Variants in CDKL3 observed in about 807,000 individuals in gnomAD.
CDKL3 encodes the protein cyclin-dependent kinase-like 3.
In CDKL3, 65 loss-of-function variants were observed where a neutral mutation model predicts 69.3. The observed-to-expected ratio is 0.94, with a 90% confidence interval of 0.77 to 1.15. The LOEUF (loss-of-function observed/expected upper bound fraction) is 1.15, where lower values mean the gene tolerates loss of function less well. Ranked by LOEUF, CDKL3 falls within the 50% of genes most tolerant of loss-of-function variation. The pLI, the probability that CDKL3 is intolerant of heterozygous loss-of-function variation, is 0.00. For missense variants in CDKL3, 652 were observed against 689.2 expected (o/e 0.95, Z 0.61); for synonymous variants, 202 against 221.6 (o/e 0.91, Z 0.79).
At position 134,366,556 on chromosome 5, in the gene CDKL3, TAAAG is replaced by T. The variant is rs1253836749; in HGVS notation, c.-21-16_-21-13del. 4.0e-6 allele frequency: 6 copies of T among 1,512,694 alleles called. No individual in the cohort carries two copies. The highest frequency in any genetic ancestry group is 1.2e-5 in the South Asian group (1 of 80,872). 93.7% of individuals were successfully genotyped at this position (1,512,694 alleles called of 1,614,324 possible). A position where few individuals can be genotyped will look rare whatever the true frequency, so the allele number is the denominator to read the frequency against. On this transcript the variant is annotated splice_polypyrimidine_tract_variant and intron_variant, in intron 1 of 12. Transcript: ENST00000265334. ...CTGGGCTTTTACTACTTTATAGAAA[TAAAG>T]AAAGAAAATGGAAAATGTTAAACGT...
chr5:134,308,918 C>T (rs780730690), intron 7 of CDKL3, among the ~76,000 whole-genome samples, 191 bp from the exon 8 acceptor site: 17 of 152,242 alleles, frequency 1.1e-4, no homozygotes, highest in South Asian at 2.1e-4. Flanking sequence ...ATACATCTTT[C>T]GAAAATTATG....
chr5:134,333,444 C>G (rs1301973684), intron 4 of CDKL3, among the ~76,000 whole-genome samples: 1 of 152,194 alleles, frequency 6.6e-6, no homozygotes, highest in African/African-American at 2.4e-5. Flanking sequence ...ATAATATTGG[C>G]TGTGGGTTTG....
At chr5:134,291,824 TG>T (rs1765138904) in intron 8 of CDKL3, among the ~76,000 whole-genome samples, 1 of 152,066 alleles carries the variant, frequency 6.6e-6, no homozygotes, top group South Asian at 2.1e-4. Context: ...ATAGCCATGT[TG>T]GAGTAACACG....
At chr5:134,321,929 T>C in intron 4 of CDKL3, 26 bp from the exon 5 acceptor site, 1 of 1,030,016 alleles carries the variant, frequency 9.7e-7, no homozygotes, top group Admixed American at 2.2e-5. Context: ...GAAAAAAAAA[T>C]CACTTTTTCA....
chr5:134,304,684 AT>A, intron 10 of CDKL3, 117 bp from the exon 11 acceptor site: 1 of 714,532 alleles, frequency 1.4e-6, no homozygotes, highest in East Asian at 2.9e-5. Flanking sequence ...TAATTTAATA[AT>A]TAAGAAGATT....
chr5:134,303,228 A>T (rs1038086342), intron 11 of CDKL3, among the ~76,000 whole-genome samples: 4 of 151,778 alleles, frequency 2.6e-5, no homozygotes, highest in African/African-American at 9.7e-5. Context: ...AGTAGCCGGG[A>T]TTACAGGCAT....
At chr5:134,306,291 T>C (rs1437700469) in intron 10 of CDKL3, among the ~76,000 whole-genome samples, 1 of 152,032 alleles carries the variant, frequency 6.6e-6, no homozygotes, top group Non-Finnish European at 1.5e-5. Context: ...GCTCAGGAGT[T>C]TGAGACCAGC....
Position 134,305,891 on chromosome 5 carries a change from C to A in CDKL3, c.1458+718G>T, listed in dbSNP as rs181289703. Reference sequence around the variant, plus strand: ...AAACAAAAGTTGGGAGGGGGATGAACTACATCGATTATTTTGATTATTTTT... The same window carrying A: ...AAACAAAAGTTGGGAGGGGGATGAAATACATCGATTATTTTGATTATTTTT... On this transcript the variant is annotated intron_variant, in intron 10 of 12. Coordinates refer to ENST00000265334, the MANE Select transcript of CDKL3 (RefSeq NM_001113575.2). 2.2e-4 allele frequency among the ~76,000 whole-genome samples: 33 copies of A among 152,130 alleles called. No homozygotes were observed. The East Asian group carries it at 6.2e-3, about 28-fold the overall frequency.
At chr5:134,323,059 A>G (rs1466300075) in intron 4 of CDKL3, among the ~76,000 whole-genome samples, 1 of 152,214 alleles carries the variant, frequency 6.6e-6, no homozygotes, top group Non-Finnish European at 1.5e-5. Context: ...CTGTCAAGTG[A>G]AAAAAGCAAC....
chr5:134,348,855 T>A (rs1752561500), intron 4 of CDKL3, among the ~76,000 whole-genome samples: 1 of 152,204 alleles, frequency 6.6e-6, no homozygotes, highest in African/African-American at 2.4e-5. Flanking sequence ...AATCATTTAA[T>A]CCTCATCACA....
At chr5:134,309,915 C>T (rs1035633725) in intron 7 of CDKL3, among the ~76,000 whole-genome samples, 2 of 152,110 alleles carry the variant, frequency 1.3e-5, no homozygotes, top group Non-Finnish European at 2.9e-5. Context: ...CACTGCAACC[C>T]TGACCTCCTG....
At chr5:134,367,875 GC>G (rs1470779148), upstream of CDKL3, among the ~76,000 whole-genome samples, 1 of 152,172 alleles carries the variant, frequency 6.6e-6, no homozygotes, top group African/African-American at 2.4e-5. Context: ...GTGTCTAACT[GC>G]TTAAGTAGAC....
chr5:134,361,440 G>A (rs17167469), intron 2 of CDKL3, among the ~76,000 whole-genome samples: 20,440 of 152,058 alleles, frequency 0.13, 1,645 homozygotes, highest in African/African-American at 0.21. Context: ...ATAACACAGT[G>A]TCAATTTTTC....
intron 4 of CDKL3, among the ~76,000 whole-genome samples, chr5:134,324,700 C>T (rs1037009930): frequency 6.6e-5 from 10 of 151,878 alleles, no homozygotes; most frequent in African/African-American, 1.9e-4. Flanking sequence ...GGGAGAGGGA[C>T]GGAAGAATAA....
At chr5:134,302,499 T>C (rs570940190) in intron 12 of CDKL3, 91 bp downstream of exon 12, 16 of 683,328 alleles carry the variant, frequency 2.3e-5, no homozygotes, top group South Asian at 7.2e-5. Flanking sequence ...AATTTTTATA[T>C]AGCTTTCCAA....
chr5:134,296,816 C>T (rs1403242952), downstream of CDKL3, among the ~76,000 whole-genome samples: 9 of 150,938 alleles, frequency 6.0e-5, no homozygotes, highest in South Asian at 1.3e-3. Flanking sequence ...CACACACACA[C>T]GCACGCACAC....
intron 12 of CDKL3, 97 bp from the exon 13 acceptor site, chr5:134,298,807 T>C (rs1400989915): frequency 2.7e-6 from 4 of 1,473,020 alleles, no homozygotes; most frequent in South Asian, 2.5e-5. Context: ...ACATGTAAAT[T>C]ACTAAATTAT....
At chr5:134,287,254 G>T (rs1175523661) in intron 8 of CDKL3, among the ~76,000 whole-genome samples, 1 of 152,172 alleles carries the variant, frequency 6.6e-6, no homozygotes, top group Non-Finnish European at 1.5e-5. Flanking sequence ...TGACAATTAG[G>T]TGATAACTGG....
intron 12 of CDKL3, chr5:134,302,194 A>G (rs772086133): frequency 2.2e-6 from 1 of 456,780 alleles, no homozygotes; most frequent in South Asian, 1.5e-5. Context: ...GGCAGACAGC[A>G]GAGATAAGGG....
Sources: gnomAD v4.1 joint callset for allele counts (sites outside exome capture counted in the v4.1 genomes callset) on GRCh38, gnomAD v4.1.1 for gene constraint, MANE v1.5 for transcripts, NCBI Gene and HGNC (gene_info 2026-07-23, HGNC 2026-07-21) for gene names.